TMEM74: variants seen among roughly 807,000 people sequenced by gnomAD.
TMEM74 encodes transmembrane protein 74.
TMEM74 carries 13 observed loss-of-function variants against 18.1 expected under a neutral mutation model. That is an observed-to-expected ratio of 0.72 (90% CI 0.47 to 1.14). TMEM74 has a LOEUF of 1.14. Among genes scored for constraint, TMEM74 ranks in the 50% most tolerant of loss-of-function variants. The pLI is 0.00. For synonymous variants in TMEM74, 159 were observed against 146.6 expected, an observed-to-expected ratio of 1.08 and a Z score of -0.61; for missense variants, 372 against 375.9, an observed-to-expected ratio of 0.99 and a Z score of 0.09.
chr8:108,743,097 C>T (rs948299510), intron 1 of TMEM74, among the ~76,000 whole-genome samples: 4 of 152,156 alleles, frequency 2.6e-5, no homozygotes, highest in Non-Finnish European at 4.4e-5. Context: ...AATGAACATA[C>T]TTTAAGCAGA....
intron 2 of TMEM74, among the ~76,000 whole-genome samples, chr8:108,641,687 C>T (rs1189196672): frequency 1.3e-5 from 2 of 152,150 alleles, no homozygotes; most frequent in Admixed American, 6.6e-5. Context: ...GGTAGGTTCT[C>T]AGGCCGCCTT....
At chr8:108,726,439 C>T (rs528334098) in intron 1 of TMEM74, among the ~76,000 whole-genome samples, 2 of 152,208 alleles carry the variant, frequency 1.3e-5, no homozygotes, top group East Asian at 1.9e-4. Context: ...TGAAATGATA[C>T]ATTTTGTAGA....
intron 1 of TMEM74, among the ~76,000 whole-genome samples, chr8:108,750,494 G>T (rs777177063): frequency 2.0e-5 from 3 of 152,046 alleles, no homozygotes; most frequent in Non-Finnish European, 2.9e-5. Flanking sequence ...GTGATGGTTT[G>T]GCAGTTATGA....
chr8:108,748,697 T>A (rs78780876), intron 1 of TMEM74, among the ~76,000 whole-genome samples: 5 of 150,292 alleles, frequency 3.3e-5, no homozygotes, highest in Non-Finnish European at 5.9e-5. Flanking sequence ...TTTTTTTTTT[T>A]AATAGGTTTT....
chr8:108,775,326 G>A (rs919739323), downstream of TMEM74, among the ~76,000 whole-genome samples: 2 of 152,224 alleles, frequency 1.3e-5, no homozygotes, highest in Admixed American at 6.5e-5. Flanking sequence ...TCTAAAATAA[G>A]TATTCTGAAA....
chr8:108,662,977 T>G (rs1375114659), intron 1 of TMEM74, among the ~76,000 whole-genome samples: 1 of 152,180 alleles, frequency 6.6e-6, no homozygotes, highest in Admixed American at 6.6e-5. Context: ...CCTCCAGGTT[T>G]GTTGTCTTTG....
chr8:108,627,052 TTAAG>T (rs1413370598), intron 2 of TMEM74, among the ~76,000 whole-genome samples: 4 of 152,076 alleles, frequency 2.6e-5, no homozygotes, highest in Non-Finnish European at 4.4e-5. Flanking sequence ...CATTTTCCCT[TTAAG>T]TGTGTAAAAA....
intron 1 of TMEM74, among the ~76,000 whole-genome samples, chr8:108,754,517 T>C (rs1340763331): frequency 6.6e-6 from 1 of 151,862 alleles, no homozygotes; most frequent in African/African-American, 2.4e-5. Flanking sequence ...TGGGTGATTA[T>C]GTTACATTAT....
intron 2 of TMEM74, among the ~76,000 whole-genome samples, chr8:108,617,302 T>A (rs189391788): frequency 2.2e-4 from 33 of 152,286 alleles, no homozygotes; most frequent in Non-Finnish European, 4.1e-4. Context: ...TAAGTAGTAC[T>A]ACGGCCTATG....
intron 2 of TMEM74, among the ~76,000 whole-genome samples, chr8:108,611,743 GATATGTC>G (rs1812336088): frequency 6.6e-6 from 1 of 152,094 alleles, no homozygotes; most frequent in African/African-American, 2.4e-5. Context: ...TCAATTAACT[GATATGTC>G]ATCTATCACC....
Position 108,781,991 on chromosome 8 carries a change from C to G in TMEM74, c.*2190G>C, listed in dbSNP as rs75008658. ...TAATTCAGTTTAGTCTGCCATTTGG[C>G]TAATTAATCCTGTTTCACCAATAAA... On this transcript the variant is annotated 3_prime_UTR_variant, in exon 2 of 2. Coordinates refer to ENST00000297459, the MANE Select transcript of TMEM74 (RefSeq NM_153015.3). 6.6e-6 allele frequency among the ~76,000 whole-genome samples: 1 copy of G among 152,278 alleles called. No homozygotes were observed. Among genetic ancestry groups the G allele is most frequent in the African/African-American group, 2.4e-5 (1 of 41,564 alleles).
intron 2 of TMEM74, among the ~76,000 whole-genome samples, chr8:108,635,048 C>A (rs557286896): frequency 6.6e-6 from 1 of 151,900 alleles, no homozygotes; most frequent in Admixed American, 6.6e-5. Context: ...CTTTCCAGTC[C>A]CATGCTGCCA....
chr8:108,773,274 C>T (rs1051365472), intron 1 of TMEM74, among the ~76,000 whole-genome samples: 2 of 152,004 alleles, frequency 1.3e-5, no homozygotes, highest in Non-Finnish European at 2.9e-5. Context: ...GGCTCAAAGT[C>T]AGCTCTGATT....
At chr8:108,647,590 A>G (rs960643096) in intron 2 of TMEM74, among the ~76,000 whole-genome samples, 8 of 152,172 alleles carry the variant, frequency 5.3e-5, no homozygotes, top group Admixed American at 4.6e-4. Context: ...AAACATTAGT[A>G]GCAATTGAGG....
At chr8:108,756,302 C>T (rs573232255) in intron 1 of TMEM74, among the ~76,000 whole-genome samples, 12 of 151,926 alleles carry the variant, frequency 7.9e-5, no homozygotes, top group African/African-American at 2.2e-4. Context: ...AATTTTTGGA[C>T]GCCAACCTGT....
At chr8:108,719,777 T>C (rs1277796637) in intron 1 of TMEM74, among the ~76,000 whole-genome samples, 1 of 152,080 alleles carries the variant, frequency 6.6e-6, no homozygotes, top group African/African-American at 2.4e-5. Context: ...TTGAGAAGCA[T>C]CCTCTCAAAG....
At chr8:108,707,642 G>A (rs747131108) in intron 1 of TMEM74, among the ~76,000 whole-genome samples, 1 of 152,138 alleles carries the variant, frequency 6.6e-6, no homozygotes, top group African/African-American at 2.4e-5. Context: ...ATATACACAT[G>A]CAAAATAATG....
intron 1 of TMEM74, among the ~76,000 whole-genome samples, chr8:108,761,179 G>A (rs191622180): frequency 2.6e-5 from 4 of 152,080 alleles, no homozygotes; most frequent in Non-Finnish European, 4.4e-5. Context: ...GATGAAAAGC[G>A]GTACACTATA....
At chr8:108,621,935 A>G (rs1298489962) in intron 2 of TMEM74, among the ~76,000 whole-genome samples, 1 of 152,136 alleles carries the variant, frequency 6.6e-6, no homozygotes, top group African/African-American at 2.4e-5. Flanking sequence ...GTCATGATGG[A>G]GATGCATATT....
Sources: gnomAD v4.1 joint callset for allele counts (sites outside exome capture counted in the v4.1 genomes callset) on GRCh38, gnomAD v4.1.1 for gene constraint, MANE v1.5 for transcripts, NCBI Gene and HGNC (gene_info 2026-07-23, HGNC 2026-07-21) for gene names.